Variants in NID2 observed in about 807,000 individuals in gnomAD.
NID2 encodes nidogen 2.
NID2 carries 83 observed loss-of-function variants against 145.4 expected under a neutral mutation model. That is an observed-to-expected ratio of 0.57 (90% CI 0.48 to 0.69). The LOEUF (loss-of-function observed/expected upper bound fraction) is 0.69, where lower values mean the gene tolerates loss of function less well. Among genes scored for constraint, NID2 ranks in the 30% least tolerant of loss-of-function variants. The pLI is 0.00. For synonymous variants in NID2, 739 were observed against 701.3 expected, an observed-to-expected ratio of 1.05 and a Z score of -0.85; for missense variants, 1,807 against 1,765.7, an observed-to-expected ratio of 1.02 and a Z score of -0.42.
At position 52,042,303 on chromosome 14, in the gene NID2, C is replaced by T; in HGVS notation, c.1627G>A (p.Gly543Ser). Residue 543 changes from glycine to serine, a missense_variant, in exon 7 of 22, where the codon GGC becomes AGC. Transcript: ENST00000216286. ...TCAGTGAAGTGCACGGGTGTATGGC[C>T]CACGTGGAGGTGGCCACTCACTTTC... ...NGKVSGHLHV[G>S]HTPVHFTDVD... is the part of the protein sequence containing the mutation. 1 of 1,613,690 alleles carries T rather than the reference C, an allele frequency of 6.2e-7. No homozygotes were observed. Among genetic ancestry groups the T allele is most frequent in the Non-Finnish European group, 8.5e-7 (1 of 1,179,690 alleles).
chr14:52,020,463 C>T (rs747773807), intron 12 of NID2, among the ~76,000 whole-genome samples: 38 of 152,242 alleles, frequency 2.5e-4, no homozygotes, highest in Non-Finnish European at 4.6e-4. Context: ...CATCTTACAG[C>T]ATGTTTCATT....
At chr14:52,042,420 T>C (rs1473221123) in intron 6 of NID2, 70 bp from the exon 7 acceptor site, 5 of 1,503,144 alleles carry the variant, frequency 3.3e-6, no homozygotes, top group Non-Finnish European at 3.6e-6. Context: ...CAGGTATAAT[T>C]ATTCCACTGA....
chr14:52,060,381 AG>A (rs1566775636), intron 2 of NID2, 25 bp from the exon 3 acceptor site: 18 of 1,077,992 alleles, frequency 1.7e-5, no homozygotes, highest in South Asian at 8.3e-5. Context: ...AAAAAAAAAG[AG>A]AGAGAGAGAG....
intron 2 of NID2, among the ~76,000 whole-genome samples, chr14:52,065,954 G>T (rs532776254): frequency 6.8e-6 from 1 of 148,018 alleles, no homozygotes; most frequent in African/African-American, 2.5e-5. Context: ...GAATAGTGCC[G>T]CAATAAACAT....
chr14:52,030,220 T>C (rs76399216), intron 9 of NID2, among the ~76,000 whole-genome samples: 8,989 of 152,176 alleles, frequency 0.059, 347 homozygotes, highest in Middle Eastern at 0.13. Context: ...AAATCTTGTT[T>C]TTTAAAGATT....
intron 9 of NID2, among the ~76,000 whole-genome samples, chr14:52,031,207 C>CA (rs1891858235): frequency 6.6e-6 from 1 of 152,250 alleles, no homozygotes; most frequent in South Asian, 2.1e-4. Flanking sequence ...ATGAATCTAT[C>CA]AACTCTGGCA....
Position 52,010,982 on chromosome 14 carries a change from C to T in NID2, c.3616G>A (p.Val1206Ile). 6.2e-7 allele frequency: 1 copy of T among 1,614,212 alleles called. No individual in the cohort carries two copies. Among genetic ancestry groups the T allele is most frequent in the East Asian group, 2.2e-5 (1 of 44,880 alleles). ...AGGGCGCTCTCTATCTTATCCAGGA[C>T]ACTGTCCGTCCAGTACATTGTTCTG... The part of the protein sequence containing the change: ...IRRTMYWTDS[V>I]LDKIESALLD... The change falls in exon 18 of 22, where the codon GTC becomes ATC. Residue 1206 changes from valine (V) to isoleucine (I), a missense_variant. Val to Ile is a conservative substitution (Grantham distance 29). Coordinates refer to ENST00000216286, the MANE Select transcript of NID2 (RefSeq NM_007361.4).
Position 52,007,803 on chromosome 14 carries a change from G to A in NID2, c.3880+7C>T. On this transcript the variant is annotated splice_region_variant and intron_variant, in intron 19 of 21. Coordinates refer to ENST00000216286, the MANE Select transcript of NID2 (RefSeq NM_007361.4). ...GTTATCTATTTGCATTCCATCAGTAGTATTACCTGCATCTGCCCAGCAGAG... is the reference window on the plus strand; with the variant it reads ...GTTATCTATTTGCATTCCATCAGTAATATTACCTGCATCTGCCCAGCAGAG... The A allele has an allele frequency of 6.2e-7, 1 of 1,612,048 alleles. No individual in the cohort carries two copies. The highest frequency in any genetic ancestry group is 8.5e-7 in the Non-Finnish European group (1 of 1,178,666).
intron 9 of NID2, among the ~76,000 whole-genome samples, chr14:52,037,367 A>G (rs1311418499): frequency 6.6e-6 from 1 of 152,144 alleles, no homozygotes; most frequent in South Asian, 2.1e-4. Flanking sequence ...ATATGTGTAC[A>G]TGTGCCATGT....
At chr14:52,044,671 G>A (rs1445773393) in intron 5 of NID2, among the ~76,000 whole-genome samples, 1 of 152,154 alleles carries the variant, frequency 6.6e-6, no homozygotes, top group Non-Finnish European at 1.5e-5. Flanking sequence ...GGAGAGCAGT[G>A]GTGCCATCTC....
At chr14:52,065,482 TTTTATTTA>T (rs60264924) in intron 2 of NID2, among the ~76,000 whole-genome samples, 5,619 of 132,950 alleles carry the variant, frequency 0.042, 136 homozygotes, top group Non-Finnish European at 0.064. Context: ...CCCCTTTCTT[TTTTATTTA>T]TTTATTTATT....
intron 3 of NID2, among the ~76,000 whole-genome samples, chr14:52,056,621 C>T (rs559721877): frequency 6.6e-6 from 1 of 151,938 alleles, no homozygotes; most frequent in African/African-American, 2.4e-5. Context: ...CATGGTGAAA[C>T]CCCACTATAA....
At position 52,060,378 on chromosome 14, in the gene NID2, AAGAGAG is replaced by A. The variant is rs749643395; in HGVS notation, c.535-28_535-23del. The A allele has an allele frequency of 9.0e-4, 722 of 806,310 alleles. 4 individuals are homozygous for A. In the African/African-American group the frequency reaches 0.012, roughly 14 times the overall value. 49.9% of individuals were successfully genotyped at this position (806,310 alleles called of 1,614,324 possible). A position where few individuals can be genotyped will look rare whatever the true frequency, so the allele number is the denominator to read the frequency against. ...TCAGCTGTGAGGAAAAAAAAAAAAA[AAGAGAG>A]AGAGAGAGAGAGAAACATCCTGTAA... On this transcript the variant is annotated intron_variant, in intron 2 of 21. Transcript: ENST00000216286.
chr14:52,019,925 A>C (rs1050020090), intron 13 of NID2, 134 bp downstream of exon 13: 6 of 1,275,658 alleles, frequency 4.7e-6, no homozygotes, highest in Non-Finnish European at 6.5e-6. Context: ...GGAGGTAACC[A>C]AGGAAAAAAA....
At chr14:52,039,980 G>T (rs759058944) in intron 8 of NID2, among the ~76,000 whole-genome samples, 1 of 151,976 alleles carries the variant, frequency 6.6e-6, no homozygotes, top group African/African-American at 2.4e-5. Flanking sequence ...TTGCTTTGTC[G>T]CCCAGGCTGG....
chr14:52,022,409 C>G (rs1891433451), intron 12 of NID2, among the ~76,000 whole-genome samples: 1 of 152,210 alleles, frequency 6.6e-6, no homozygotes, highest in Admixed American at 6.5e-5. Context: ...GAGGGCCTCT[C>G]ACACCATGAT....
intron 6 of NID2, 27 bp downstream of exon 6, chr14:52,042,755 C>T (rs756401479): frequency 6.2e-7 from 1 of 1,611,928 alleles, no homozygotes; most frequent in South Asian, 1.1e-5. Flanking sequence ...AATAGACACA[C>T]AGGAGTTCCT....
In NID2 at chr14:52,067,944, AGC is replaced by A. The variant is rs772130736; in HGVS notation, c.446_447del (p.Arg149LeufsTer40). 3.1e-6 allele frequency: 5 copies of A among 1,611,252 alleles called. No homozygotes were observed. The African/African-American group carries it at 6.7e-5, about 22-fold the overall frequency. On this transcript the variant is annotated frameshift_variant, in exon 2 of 22. Transcript: ENST00000216286. LOFTEE classifies it high-confidence loss of function. ...YVRAGFPRSA[R>X]FTPTHAFLAT... The stretch of plus-strand genomic sequence containing the variant: ...GCCAGGAAGGCGTGGGTGGGGGTAA[AGC>A]GCGCAGAGCGCGGGAAGCCAGCGCG...
intron 21 of NID2, 120 bp from the exon 22 acceptor site, chr14:52,005,616 C>T (rs1395830020): frequency 1.4e-6 from 2 of 1,430,560 alleles, no homozygotes; most frequent in Non-Finnish European, 2.0e-6. Flanking sequence ...TAAAGACTGG[C>T]CCTCAGGGCA....
Sources: allele counts gnomAD v4.1 joint callset (sites outside exome capture counted in the v4.1 genomes callset), GRCh38; gene constraint gnomAD v4.1.1; transcripts MANE v1.5; gene names NCBI Gene and HGNC (gene_info 2026-07-23, HGNC 2026-07-21).